Variants in GLYATL2 observed in about 807,000 individuals in gnomAD.
GLYATL2 encodes the protein glycine-N-acyltransferase like 2.
GLYATL2 carries 25 observed loss-of-function variants against 21.4 expected under a neutral mutation model. The ratio of observed to expected loss-of-function variants is 1.17; its 90% CI spans 0.85 to 1.63. GLYATL2 has a LOEUF of 1.63. GLYATL2 is among the 40% of genes most tolerant of loss of function. GLYATL2 has a pLI of 0.00. For missense variants in GLYATL2, 361 were observed against 343.3 expected, an observed-to-expected ratio of 1.05 and a Z score of -0.41; for synonymous variants, 114 against 118.2, an observed-to-expected ratio of 0.96 and a Z score of 0.23.
At chr11:58,897,091 A>G (rs1371879584) in intron 1 of GLYATL2, among the ~76,000 whole-genome samples, 1 of 152,206 alleles carries the variant, frequency 6.6e-6, no homozygotes, top group Non-Finnish European at 1.5e-5. Flanking sequence ...GACACAGCAA[A>G]CAGTCTTTCC....
chr11:58,838,941 C>T (rs1853493788), intron 2 of GLYATL2, among the ~76,000 whole-genome samples: 1 of 152,002 alleles, frequency 6.6e-6, no homozygotes, highest in African/African-American at 2.4e-5. Flanking sequence ...ATATGTTATG[C>T]CTTTTTCTGG....
upstream of GLYATL2, chr11:58,907,590 A>G (rs553557438): frequency 8.9e-6 from 3 of 338,098 alleles, no homozygotes; most frequent in African/African-American, 4.3e-5. Context: ...TACTAGTTCT[A>G]TCATCTCTCT....
chr11:58,866,502 A>T (rs1854025745), intron 1 of GLYATL2, among the ~76,000 whole-genome samples: 1 of 148,866 alleles, frequency 6.7e-6, no homozygotes, highest in Non-Finnish European at 1.5e-5. Flanking sequence ...CTGAATTAAG[A>T]GTTAGGAAGC....
chr11:58,873,589 T>A (rs182472699), intron 1 of GLYATL2, among the ~76,000 whole-genome samples: 6 of 152,360 alleles, frequency 3.9e-5, no homozygotes, highest in African/African-American at 1.4e-4. Flanking sequence ...GGATTACGTT[T>A]ATTGATTTGA....
chr11:58,841,960 G>A (rs1278636955), intron 1 of GLYATL2, among the ~76,000 whole-genome samples: 2 of 152,148 alleles, frequency 1.3e-5, no homozygotes, highest in Non-Finnish European at 2.9e-5. Context: ...AAAGGAAGAA[G>A]AACATGAGAA....
At chr11:58,885,948 C>T (rs1177606187) in intron 1 of GLYATL2, among the ~76,000 whole-genome samples, 1 of 152,324 alleles carries the variant, frequency 6.6e-6, no homozygotes, top group Admixed American at 6.5e-5. Flanking sequence ...AGCATGGTGT[C>T]TTCTACCTGT....
At chr11:58,859,822 A>G (rs746483491) in intron 1 of GLYATL2, among the ~76,000 whole-genome samples, 1 of 152,060 alleles carries the variant, frequency 6.6e-6, no homozygotes, top group Non-Finnish European at 1.5e-5. Flanking sequence ...TCTAATTTCA[A>G]TTTTCCAAAT....
At position 58,865,473 on chromosome 11, in the gene GLYATL2, G is replaced by T. The variant is rs551579563; in HGVS notation, n.61-27105C>A. Among the ~76,000 whole-genome samples the T allele has an allele frequency of 4.3e-4, 64 of 149,222 alleles. 3 individuals are homozygous for T. In the South Asian group the frequency reaches 0.012, roughly 29 times the overall value. ...AAGCCTCAAGAGGAAGAGACTCATG[G>T]TGAGATATTTGGAGCCACAAAATGC... On this transcript the variant is annotated intron_variant and non_coding_transcript_variant, in intron 1 of 4. Transcript: ENST00000533636.
chr11:58,870,217 G>A (rs1854093779), intron 1 of GLYATL2, among the ~76,000 whole-genome samples: 1 of 152,174 alleles, frequency 6.6e-6, no homozygotes, highest in South Asian at 2.1e-4. Context: ...TCATTGAGCA[G>A]GTGGCTTTTA....
chr11:58,861,898 T>C (rs1853938255), intron 1 of GLYATL2, among the ~76,000 whole-genome samples: 1 of 152,160 alleles, frequency 6.6e-6, no homozygotes, highest in South Asian at 2.1e-4. Context: ...ATAAATAATA[T>C]GATTTCAGTA....
At position 58,835,965 on chromosome 11, in the gene GLYATL2, ATGTATC is replaced by A. The variant is rs1853423405; in HGVS notation, c.476+1044_476+1049del. 7.9e-5 allele frequency among the ~76,000 whole-genome samples: 12 copies of A among 152,294 alleles called. 1 individual carries two copies. In the South Asian group the frequency reaches 2.5e-3, roughly 32 times the overall value. ...GTGTTGACTTTTCTGGCTAAATCAA[ATGTATC>A]TGTGAGTGTGTGTTTAAATTCTATT... is the stretch of plus-strand genomic sequence containing the variant. On this transcript the variant is annotated intron_variant, in intron 5 of 5. Coordinates refer to ENST00000287275, the MANE Select transcript of GLYATL2 (RefSeq NM_145016.4).
At chr11:58,837,663 G>C (rs531548991) in intron 3 of GLYATL2, among the ~76,000 whole-genome samples, 1 of 152,268 alleles carries the variant, frequency 6.6e-6, no homozygotes, top group South Asian at 2.1e-4. Flanking sequence ...TACCCTAAAT[G>C]GTGTATGTTA....
chr11:58,855,295 T>C (rs998956661), intron 1 of GLYATL2, among the ~76,000 whole-genome samples: 1 of 152,206 alleles, frequency 6.6e-6, no homozygotes, highest in African/African-American at 2.4e-5. Context: ...GGATGTATGT[T>C]AGCAAGCATG....
At chr11:58,842,262 GA>G (rs1001820266) in intron 1 of GLYATL2, among the ~76,000 whole-genome samples, 2 of 152,090 alleles carry the variant, frequency 1.3e-5, no homozygotes, top group South Asian at 2.1e-4. Context: ...TGAAAAGTCA[GA>G]AAAAAAATTA....
intron 1 of GLYATL2, among the ~76,000 whole-genome samples, chr11:58,842,632 A>AAATGAATG (rs539083099): frequency 3.9e-5 from 6 of 151,966 alleles, no homozygotes; most frequent in Non-Finnish European, 7.4e-5. Context: ...GCCAGTTGAA[A>AAATGAATG]AATGAATGAA....
At chr11:58,896,539 A>G (rs1275892894) in intron 1 of GLYATL2, among the ~76,000 whole-genome samples, 2 of 152,206 alleles carry the variant, frequency 1.3e-5, no homozygotes, top group African/African-American at 2.4e-5. Context: ...CTTCCCTGCC[A>G]TCTCTAGCCC....
At chr11:58,859,272 T>C (rs569240241) in intron 1 of GLYATL2, among the ~76,000 whole-genome samples, 1 of 152,206 alleles carries the variant, frequency 6.6e-6, no homozygotes, top group South Asian at 2.1e-4. Context: ...CATTCCACAC[T>C]ACCCTAGGGA....
chr11:58,847,901 T>C (rs553699222), upstream of GLYATL2, among the ~76,000 whole-genome samples: 521 of 151,794 alleles, frequency 3.4e-3, 4 homozygotes, highest in Middle Eastern at 0.021. Flanking sequence ...TGTGCGGACC[T>C]CAGGCCTGAT....
upstream of GLYATL2, among the ~76,000 whole-genome samples, chr11:58,849,108 A>G (rs1853693670): frequency 6.6e-6 from 1 of 152,200 alleles, no homozygotes; most frequent in Non-Finnish European, 1.5e-5. Context: ...TTCTTCAAAA[A>G]TGAAGGAAGA....
Sources: allele counts gnomAD v4.1 joint callset (sites outside exome capture counted in the v4.1 genomes callset), GRCh38; gene constraint gnomAD v4.1.1; transcripts MANE v1.5; gene names NCBI Gene and HGNC (gene_info 2026-07-23, HGNC 2026-07-21).